The following ARHGAP26 variants were observed in gnomAD, a reference collection of about 807,000 sequenced individuals.
ARHGAP26 encodes Rho GTPase activating protein 26.
A neutral mutation model predicts 104.8 loss-of-function variants in ARHGAP26; 38 were observed. The ratio of observed to expected loss-of-function variants is 0.36; its 90% confidence interval spans 0.28 to 0.48. The LOEUF (loss-of-function observed/expected upper bound fraction) is 0.48, where lower values mean the gene tolerates loss of function less well. Ranked by LOEUF, ARHGAP26 falls within the 20% of genes least tolerant of loss-of-function variation. The probability of loss-of-function intolerance (pLI) is 0.99; values close to 1 mark genes in which losing one functional copy is unlikely to be tolerated. For synonymous variants in ARHGAP26, 341 were observed against 340.0 expected (o/e 1.00, Z -0.03); for missense variants, 704 against 947.9 (o/e 0.74, Z 3.38).
chr5:143,205,961 GT>G (rs1232221089), intron 20 of ARHGAP26, among the ~76,000 whole-genome samples: 2 of 152,212 alleles, frequency 1.3e-5, no homozygotes, highest in Non-Finnish European at 2.9e-5. Context: ...TTAATAAAGT[GT>G]TTATCAGTCA....
intron 4 of ARHGAP26, among the ~76,000 whole-genome samples, chr5:142,883,749 C>G (rs1757324051): frequency 6.6e-6 from 1 of 152,244 alleles, no homozygotes; most frequent in African/African-American, 2.4e-5. Context: ...TGATGCCTTT[C>G]CTGGGTGCCC....
At chr5:142,945,803 C>T (rs923919330) in intron 11 of ARHGAP26, among the ~76,000 whole-genome samples, 19 of 152,140 alleles carry the variant, frequency 1.2e-4, no homozygotes, top group African/African-American at 4.6e-4. Context: ...TGGAAATTAA[C>T]ACTGATACAA....
intron 1 of ARHGAP26, among the ~76,000 whole-genome samples, chr5:142,790,135 C>G (rs142244436): frequency 6.6e-6 from 1 of 152,168 alleles, no homozygotes; most frequent in Non-Finnish European, 1.5e-5. Context: ...TGTGGGCAGA[C>G]AAACAAGTAA....
intron 18 of ARHGAP26, among the ~76,000 whole-genome samples, chr5:143,130,221 G>C (rs139374406): frequency 6.8e-4 from 103 of 152,320 alleles, no homozygotes; most frequent in African/African-American, 2.3e-3. Context: ...TTATGGATCT[G>C]CTAATTCCAC....
At chr5:142,837,786 A>G (rs767593889) in intron 1 of ARHGAP26, among the ~76,000 whole-genome samples, 23 of 152,222 alleles carry the variant, frequency 1.5e-4, no homozygotes, top group Non-Finnish European at 1.2e-4. Context: ...ACTCCAGCTC[A>G]TTCTCTTTTC....
At chr5:142,772,877 C>T (rs1755518092) in intron 1 of ARHGAP26, 1 of 533,346 alleles carries the variant, frequency 1.9e-6, no homozygotes, top group African/African-American at 1.9e-5. Context: ...GGCAGTTTTC[C>T]TACCACTAGT....
intron 17 of ARHGAP26, among the ~76,000 whole-genome samples, chr5:143,080,337 T>A (rs995059872): frequency 5.9e-5 from 9 of 152,180 alleles, no homozygotes; most frequent in East Asian, 1.9e-4. Flanking sequence ...TAAATTTTTT[T>A]AAAAAATAGA....
chr5:143,226,485 G>GAAAAAAAAA lies in ARHGAP26; in HGVS notation c.*4052_*4060dup, dbSNP rs57822966. The GAAAAAAAAA allele has an allele frequency of 1.4e-5, 2 of 138,372 alleles. No homozygotes were observed. Among genetic ancestry groups the GAAAAAAAAA allele is most frequent in the African/African-American group, 2.9e-5 (1 of 34,530 alleles). The allele number at this position is 138,372 out of a possible 1,614,324, so 8.6% of individuals were successfully genotyped here. ...GACAGAGCCAGACTCCGTCTCAAAG[G>GAAAAAAAAA]AAAAAAAAAAAAAAAAAAAAAGAAT... is the stretch of plus-strand genomic sequence containing the variant. On this transcript the variant is annotated 3_prime_UTR_variant, in exon 23 of 23. Coordinates refer to ENST00000645722, the MANE Select transcript of ARHGAP26 (RefSeq NM_001135608.3).
intron 1 of ARHGAP26, among the ~76,000 whole-genome samples, chr5:142,786,851 T>C (rs531740381): frequency 6.6e-6 from 1 of 152,172 alleles, no homozygotes; most frequent in Admixed American, 6.5e-5. Flanking sequence ...TTCACCATGT[T>C]GGCCAGGCTG....
At chr5:143,057,886 G>T (rs1440133600) in intron 17 of ARHGAP26, 139 bp downstream of exon 17, 1 of 792,134 alleles carries the variant, frequency 1.3e-6, no homozygotes, top group Non-Finnish European at 2.2e-6. Context: ...AAAGAAATGT[G>T]TGAAATGTTC....
At chr5:143,217,819 C>T (rs946963447) in intron 22 of ARHGAP26, among the ~76,000 whole-genome samples, 2 of 152,238 alleles carry the variant, frequency 1.3e-5, no homozygotes, top group Non-Finnish European at 2.9e-5. Flanking sequence ...CACTCTTGCT[C>T]CCAGAACCCC....
chr5:143,012,552 CATATAT>C lies in ARHGAP26; in HGVS notation c.1108-1509_1108-1504del, dbSNP rs3073231. On this transcript the variant is annotated intron_variant, in intron 11 of 22. Coordinates refer to ENST00000645722, the MANE Select transcript of ARHGAP26 (RefSeq NM_001135608.3). Reference sequence around the variant, plus strand: ...AGGGATATATTTATATACATACATACATATATATATATATATATATATATTATGATC... The same window carrying C: ...AGGGATATATTTATATACATACATACATATATATATATATATATTATGATC... Among the ~76,000 whole-genome samples, 5 of 20,832 alleles carry C rather than the reference CATATAT, an allele frequency of 2.4e-4. 1 individual carries two copies. Among genetic ancestry groups the C allele is most frequent in the South Asian group, 2.0e-3 (2 of 1,006 alleles). 13.7% of individuals were successfully genotyped at this position (20,832 alleles called of 152,430 possible). A position where few individuals can be genotyped will look rare whatever the true frequency, so the allele number is the denominator to read the frequency against.
chr5:143,205,274 T>A (rs1410469156), intron 20 of ARHGAP26, among the ~76,000 whole-genome samples: 1 of 152,208 alleles, frequency 6.6e-6, no homozygotes, highest in Non-Finnish European at 1.5e-5. Context: ...AAATATCATT[T>A]ATTGTATTGA....
At chr5:143,109,303 C>G (rs780808057) in intron 17 of ARHGAP26, among the ~76,000 whole-genome samples, 20 of 152,304 alleles carry the variant, frequency 1.3e-4, no homozygotes, top group South Asian at 6.2e-4. Flanking sequence ...ATGAGGTTAA[C>G]ACAGATATAT....
chr5:142,906,057 A>T (rs1388171842), intron 8 of ARHGAP26, among the ~76,000 whole-genome samples: 1 of 152,216 alleles, frequency 6.6e-6, no homozygotes, highest in Middle Eastern at 3.4e-3. Context: ...CAGTTCCTTT[A>T]TACAGTTTTC....
At chr5:143,071,120 A>G (rs1788192192) in intron 17 of ARHGAP26, among the ~76,000 whole-genome samples, 2 of 152,206 alleles carry the variant, frequency 1.3e-5, no homozygotes, top group Non-Finnish European at 2.9e-5. Context: ...AAGCAGGCCT[A>G]TAGACCAATG....
At chr5:143,116,421 C>G (rs1461288275) in intron 17 of ARHGAP26, among the ~76,000 whole-genome samples, 2 of 152,126 alleles carry the variant, frequency 1.3e-5, no homozygotes, top group African/African-American at 4.8e-5. Flanking sequence ...CAACATAACA[C>G]TCTAGGCCTC....
At chr5:143,025,485 C>G (rs147912936) in intron 12 of ARHGAP26, among the ~76,000 whole-genome samples, 23 of 152,314 alleles carry the variant, frequency 1.5e-4, no homozygotes, top group African/African-American at 4.8e-4. Context: ...ATGATGATCT[C>G]TTTCGGTTGA....
At chr5:143,111,670 A>G (rs1794784186) in intron 17 of ARHGAP26, among the ~76,000 whole-genome samples, 1 of 152,222 alleles carries the variant, frequency 6.6e-6, no homozygotes, top group South Asian at 2.1e-4. Flanking sequence ...TGTCTTAGAG[A>G]GCTATTAAAT....
Sources: allele counts gnomAD v4.1 joint callset (sites outside exome capture counted in the v4.1 genomes callset), GRCh38; gene constraint gnomAD v4.1.1; transcripts MANE v1.5; gene names NCBI Gene and HGNC (gene_info 2026-07-23, HGNC 2026-07-21).